ZRANB1: variants seen among roughly 807,000 people sequenced by gnomAD.
ZRANB1 encodes the protein ubiquitin thioesterase ZRANB1.
In ZRANB1, 16 loss-of-function variants were observed where a neutral mutation model predicts 80.5. The ratio of observed to expected loss-of-function variants is 0.20; its 90% confidence interval spans 0.13 to 0.30. The LOEUF (loss-of-function observed/expected upper bound fraction) is 0.30, where lower values mean the gene tolerates loss of function less well. Among genes scored for constraint, ZRANB1 ranks in the 10% least tolerant of loss-of-function variants. ZRANB1 has a pLI of 1.00. For synonymous variants in ZRANB1, 291 were observed against 293.1 expected (o/e 0.99, Z 0.07); for missense variants, 576 against 862.6 (o/e 0.67, Z 4.16).
the ZRANB1 span, among the ~76,000 whole-genome samples, chr10:124,922,433 C>G: frequency 6.7e-6 from 1 of 150,128 alleles, no homozygotes; most frequent in South Asian, 2.1e-4. Flanking sequence ...TCAAGCTATC[C>G]TCTCACTTCA....
chr10:124,925,313 A>G, the ZRANB1 span, among the ~76,000 whole-genome samples: 1 of 151,902 alleles, frequency 6.6e-6, no homozygotes, highest in Non-Finnish European at 1.5e-5. Context: ...GTGGAATGGC[A>G]TCTCCTAGTT....
At chr10:124,928,588 G>T in the ZRANB1 span, among the ~76,000 whole-genome samples, 2 of 152,194 alleles carry the variant, frequency 1.3e-5, no homozygotes, top group Non-Finnish European at 2.9e-5. Flanking sequence ...TTTTCTAAAA[G>T]ATTACATAAA....
chr10:124,933,142 T>C, the ZRANB1 span, among the ~76,000 whole-genome samples: 6 of 150,400 alleles, frequency 4.0e-5, no homozygotes, highest in Admixed American at 1.3e-4. Context: ...TTCTTTCTTT[T>C]TTTTTTTTTT....
intron 1 of ZRANB1, among the ~76,000 whole-genome samples, chr10:124,955,242 T>G (rs1432388804): frequency 2.0e-5 from 3 of 152,082 alleles, no homozygotes; most frequent in Non-Finnish European, 4.4e-5. Flanking sequence ...TGTTTTTTTT[T>G]TGTTTGTTTT....
chr10:124,947,564 C>G (rs768227037), intron 1 of ZRANB1, among the ~76,000 whole-genome samples: 1 of 152,196 alleles, frequency 6.6e-6, no homozygotes, highest in Non-Finnish European at 1.5e-5. Context: ...ACTCATATAT[C>G]CAGCTGCCTA....
At chr10:124,922,659 A>AT in the ZRANB1 span, among the ~76,000 whole-genome samples, 4,480 of 151,230 alleles carry the variant, frequency 0.03, 212 homozygotes, top group African/African-American at 0.1. Flanking sequence ...TGCCCAGCTC[A>AT]TTTTTTTGTA....
chr10:124,949,518 CACACA>C (rs1951617277), intron 1 of ZRANB1, among the ~76,000 whole-genome samples: 1 of 102,796 alleles, frequency 9.7e-6, no homozygotes. Context: ...CACACACACA[CACACA>C]TTTTTTTTTT....
In ZRANB1 at chr10:124,983,392, A is replaced by G. The variant is rs956428502; in HGVS notation, c.1679-67A>G. 3.1e-5 allele frequency: 49 copies of G among 1,592,736 alleles called. No individual in the cohort carries two copies. The highest frequency in any genetic ancestry group is 4.1e-5 in the Non-Finnish European group (48 of 1,166,970). ...AGGAGCAGTGGACAGGGGAATGTGA[A>G]CAAGGGCAGTGAGGGAGTGGCTCTT... On this transcript the variant is annotated intron_variant, in intron 7 of 8. Coordinates refer to ENST00000359653, the MANE Select transcript of ZRANB1 (RefSeq NM_017580.3). The surrounding 1 kb of genome is among the most constrained non-coding windows in gnomAD (Gnocchi z 6.2).
chr10:124,926,274 ATAAAT>A, the ZRANB1 span, among the ~76,000 whole-genome samples: 7 of 152,266 alleles, frequency 4.6e-5, no homozygotes, highest in Non-Finnish European at 7.3e-5. Flanking sequence ...TTCTTCAAAA[ATAAAT>A]TAATCTTAGC....
intron 2 of ZRANB1, among the ~76,000 whole-genome samples, chr10:124,969,831 C>T (rs943279532): frequency 8.5e-5 from 13 of 152,074 alleles, no homozygotes; most frequent in Admixed American, 5.9e-4. Context: ...TCCCAGCCTA[C>T]GGAGATGGTT....
At chr10:124,963,419 G>T (rs1951750099) in intron 1 of ZRANB1, among the ~76,000 whole-genome samples, 2 of 151,614 alleles carry the variant, frequency 1.3e-5, no homozygotes. Context: ...TTTAACACTT[G>T]CATTTATTTG....
In ZRANB1 at chr10:124,986,036, C is replaced by G. The variant is rs1952026280; in HGVS notation, c.*1044C>G. On this transcript the variant is annotated 3_prime_UTR_variant, in exon 9 of 9. Transcript: ENST00000359653. The stretch of plus-strand genomic sequence containing the variant: ...CAAATGCATTGTATGAAGAATTTCT[C>G]AGTGTTTAGTCTGAGAATTTTTGCA... The G allele has an allele frequency of 6.6e-6, 1 of 152,540 alleles. No homozygotes were observed. Among genetic ancestry groups the G allele is most frequent in the African/African-American group, 2.4e-5 (1 of 41,450 alleles). 9.4% of individuals were successfully genotyped at this position (152,540 alleles called of 1,614,324 possible).
Position 124,987,243 on chromosome 10 carries a change from C to T in ZRANB1, c.*2251C>T, listed in dbSNP as rs1952073650. 6.6e-6 allele frequency: 1 copy of T among 152,540 alleles called. No homozygotes were observed. The highest frequency in any genetic ancestry group is 2.1e-4 in the South Asian group (1 of 4,830). The allele number at this position is 152,540 out of a possible 1,614,324, so 9.4% of individuals were successfully genotyped here. On this transcript the variant is annotated 3_prime_UTR_variant, in exon 9 of 9. Coordinates refer to ENST00000359653, the MANE Select transcript of ZRANB1 (RefSeq NM_017580.3). Reference sequence around the variant, plus strand: ...TGATTATACGTGGCTAGGTGACAGACATTAATGACTGACTCTGGAGAGTAA... The same window carrying T: ...TGATTATACGTGGCTAGGTGACAGATATTAATGACTGACTCTGGAGAGTAA...
the ZRANB1 span, among the ~76,000 whole-genome samples, chr10:124,928,687 A>G: frequency 6.6e-6 from 1 of 152,250 alleles, no homozygotes; most frequent in Non-Finnish European, 1.5e-5. Flanking sequence ...TGAACAAGAC[A>G]AAGTCTTTGC....
At chr10:124,965,556 CTG>C (rs1471033844) in intron 1 of ZRANB1, among the ~76,000 whole-genome samples, 1 of 152,158 alleles carries the variant, frequency 6.6e-6, no homozygotes, top group Non-Finnish European at 1.5e-5. Flanking sequence ...AGGAATATGT[CTG>C]ATCTAATTCC....
the ZRANB1 span, among the ~76,000 whole-genome samples, chr10:124,918,264 C>T: frequency 6.6e-6 from 1 of 152,212 alleles, no homozygotes; most frequent in South Asian, 2.1e-4. Context: ...TATCTCGGCT[C>T]ACCGCAACCT....
At chr10:124,941,556 T>G (rs567919211), upstream of ZRANB1, among the ~76,000 whole-genome samples, 67 of 152,264 alleles carry the variant, frequency 4.4e-4, no homozygotes, top group African/African-American at 1.6e-3. Flanking sequence ...TTTACCATCT[T>G]GGCCAGGCTG....
intron 1 of ZRANB1, among the ~76,000 whole-genome samples, chr10:124,953,973 T>C (rs1163974200): frequency 6.6e-6 from 1 of 151,586 alleles, no homozygotes; most frequent in Non-Finnish European, 1.5e-5. Flanking sequence ...CTTTCTTTTC[T>C]TTTTTTTCTG....
intron 1 of ZRANB1, chr10:124,945,409 A>ATTTTTTTTTTTTTTTTTTTTTTTTTTTT (rs57697692): frequency 2.4e-5 from 3 of 123,552 alleles, no homozygotes; most frequent in African/African-American, 1.1e-4. Flanking sequence ...TCTTAAAATC[A>ATTTTTTTTTTTTTTTTTTTTTTTTTTTT]TTTTTTTTTT....
Sources: gnomAD v4.1 joint callset for allele counts (sites outside exome capture counted in the v4.1 genomes callset) on GRCh38, gnomAD v4.1.1 for gene constraint, Gnocchi (gnomAD v3.1) non-coding constraint, MANE v1.5 for transcripts, NCBI Gene and HGNC (gene_info 2026-07-23, HGNC 2026-07-21) for gene names.